SLC6A7: variants seen among roughly 807,000 people sequenced by gnomAD.
The protein encoded by SLC6A7 is solute carrier family 6 member 7.
In SLC6A7, 58 loss-of-function variants were observed where a neutral mutation model predicts 73.1. That is an observed-to-expected ratio of 0.79 (90% confidence interval 0.64 to 0.99). The LOEUF (loss-of-function observed/expected upper bound fraction) is 0.99. SLC6A7 is among the 50% of genes least tolerant of loss of function. The pLI, the probability that SLC6A7 is intolerant of heterozygous loss-of-function variation, is 0.00. For missense variants in SLC6A7, 783 were observed against 831.4 expected (o/e 0.94, Z 0.72); for synonymous variants, 338 against 338.7 (o/e 1.00, Z 0.02).
At position 150,196,788 on chromosome 5, in the gene SLC6A7, T is replaced by C; in HGVS notation, c.290T>C (p.Leu97Pro). 1 of 1,614,056 alleles carries C rather than the reference T, an allele frequency of 6.2e-7. No homozygotes were observed. Among genetic ancestry groups the C allele is most frequent in the Non-Finnish European group, 8.5e-7 (1 of 1,179,924 alleles). ...CCCCTCTTCTTCCTGGAGCTCTCCC[T>C]GGGCCAGTTCTCCAGCCTAGGGCCC... ...GIPLFFLELS[L>P]GQFSSLGPLA... is the part of the protein sequence containing the mutation. Residue 97 changes from leucine (L) to proline (P), a missense_variant, in exon 3 of 14, where the codon CTG (leucine) becomes CCG (proline). By Grantham distance (98) the Leu-to-Pro change is moderately conservative. Coordinates refer to ENST00000230671, the MANE Select transcript of SLC6A7 (RefSeq NM_014228.5).
At position 150,209,881 on chromosome 5, in the gene SLC6A7, T is replaced by C. The variant is rs1753887968; in HGVS notation, c.*266T>C. The C allele has an allele frequency of 2.0e-6, 1 of 502,472 alleles. No homozygotes were observed. Among genetic ancestry groups the C allele is most frequent in the Non-Finnish European group, 3.6e-6 (1 of 275,592 alleles). 31.1% of individuals were successfully genotyped at this position (502,472 alleles called of 1,614,324 possible). ...CAGCCCTACTTTGCGGATGGACATA[T>C]TAAGGCCAGGAGGGGAGGGACTTGC... On this transcript the variant is annotated 3_prime_UTR_variant, in exon 14 of 14. Transcript: ENST00000230671.
At chr5:150,205,756 C>A in intron 13 of SLC6A7, 133 bp downstream of exon 13, 4 of 773,408 alleles carry the variant, frequency 5.2e-6, no homozygotes, top group Non-Finnish European at 8.1e-6. Flanking sequence ...CTTGCCTGGG[C>A]TGAGGCAGAT....
intron 13 of SLC6A7, among the ~76,000 whole-genome samples, chr5:150,206,323 C>T (rs1422562212): frequency 9.9e-5 from 15 of 152,190 alleles, no homozygotes; most frequent in African/African-American, 3.6e-4. Context: ...CTGGAGGCAC[C>T]CACAACATAC....
rs1427004429 is a variant in SLC6A7, at chr5:150,204,763, G to C, written c.1433-64G>C. 3.6e-6 allele frequency: 5 copies of C among 1,380,856 alleles called. No individual in the cohort carries two copies. The African/African-American group carries it at 7.1e-5, about 20-fold the overall frequency. 85.5% of individuals were successfully genotyped at this position (1,380,856 alleles called of 1,614,324 possible). On this transcript the variant is annotated intron_variant, in intron 11 of 13. Transcript: ENST00000230671. ...TCCAGTGGGGGCAGCTGGGGTAGAG[G>C]AGGGGCTGCTGGCGTTTGTGGGGCC... is the stretch of plus-strand genomic sequence containing the variant.
intron 8 of SLC6A7, 145 bp downstream of exon 8, chr5:150,202,848 G>T: frequency 1.1e-6 from 1 of 872,120 alleles, no homozygotes; most frequent in Non-Finnish European, 1.7e-6. Flanking sequence ...GCCAAGGTGG[G>T]CGGATCGCTT....
At chr5:150,202,737 A>C (rs1193341264) in intron 8 of SLC6A7, 34 bp downstream of exon 8, 5 of 1,611,166 alleles carry the variant, frequency 3.1e-6, no homozygotes, top group Non-Finnish European at 4.2e-6. Context: ...TGGGGTGAGC[A>C]TGTGTGTTGG....
chr5:150,198,103 G>GAAGGAAAGAA (rs1562085336), intron 4 of SLC6A7, among the ~76,000 whole-genome samples: 16 of 106,190 alleles, frequency 1.5e-4, no homozygotes, highest in Non-Finnish European at 3.5e-4. Context: ...AAGAAAGAAA[G>GAAGGAAAGAA]AAAGAAAGAA....
rs1562083236 is a variant in SLC6A7, at chr5:150,197,199, C to G, written c.507C>G (p.His169Gln). 6.2e-7 allele frequency: 1 copy of G among 1,613,982 alleles called. No individual in the cohort carries two copies. Among genetic ancestry groups the G allele is most frequent in the Admixed American group, 1.7e-5 (1 of 60,034 alleles). Residue 169 changes from histidine (H) to glutamine (Q), a missense_variant, in exon 4 of 14, where the codon CAC (histidine) becomes CAG (glutamine). Coordinates refer to ENST00000230671, the MANE Select transcript of SLC6A7 (RefSeq NM_014228.5). ...GGAACACAGAACTCTGCCTGGAGCACAGAGTCTCCAAGGACGGCAACGGGG... is the reference window on the plus strand; with the variant it reads ...GGAACACAGAACTCTGCCTGGAGCAGAGAGTCTCCAAGGACGGCAACGGGG... ...NWWNTELCLE[H>Q]RVSKDGNGAL...
chr5:150,204,944 G>A lies in SLC6A7; in HGVS notation c.1533+17G>A, dbSNP rs768154547. 1.5e-6 allele frequency: 2 copies of A among 1,358,528 alleles called. No homozygotes were observed. Among genetic ancestry groups the A allele is most frequent in the Non-Finnish European group, 2.1e-6 (2 of 947,366 alleles). 84.2% of individuals were successfully genotyped at this position (1,358,528 alleles called of 1,614,324 possible). A position where few individuals can be genotyped will look rare whatever the true frequency, so the allele number is the denominator to read the frequency against. ...ACGCTCTTGGTAACTGGGGAGGGCGGGAGGGTTTCTGGCTGGGGCCCCAGA... is the reference window on the plus strand; with the variant it reads ...ACGCTCTTGGTAACTGGGGAGGGCGAGAGGGTTTCTGGCTGGGGCCCCAGA... On this transcript the variant is annotated intron_variant, in intron 12 of 13. Coordinates refer to ENST00000230671, the MANE Select transcript of SLC6A7 (RefSeq NM_014228.5).
intron 1 of SLC6A7, among the ~76,000 whole-genome samples, chr5:150,192,472 T>A (rs925615873): frequency 2.0e-4 from 31 of 152,142 alleles, no homozygotes; most frequent in Admixed American, 6.5e-5. Context: ...GGAAGAAGTA[T>A]GAAGCAACTC....
chr5:150,198,049 GAGAA>G (rs1554115584), intron 4 of SLC6A7, among the ~76,000 whole-genome samples: 8,996 of 103,518 alleles, frequency 0.087, 453 homozygotes, highest in East Asian at 0.12. Context: ...AAAGAAGAAA[GAGAA>G]AGAAAGAAAG....
rs967523292 is a variant in SLC6A7 at position 150,204,143 on chromosome 5, C to A, written c.1332+105C>A. 27 of 1,198,392 alleles carry A rather than the reference C, an allele frequency of 2.3e-5. No homozygotes were observed. In the African/African-American group the frequency reaches 3.3e-4, roughly 15 times the overall value. The allele number at this position is 1,198,392 out of a possible 1,614,324, so 74.2% of individuals were successfully genotyped here. ...CAGTTGCTGGGCCCCCTCCATCTTCCTCTTTGCAAGGAACCCAGTCCCTCC... is the reference window on the plus strand; with the variant it reads ...CAGTTGCTGGGCCCCCTCCATCTTCATCTTTGCAAGGAACCCAGTCCCTCC... On this transcript the variant is annotated intron_variant, in intron 10 of 13. Coordinates refer to ENST00000230671, the MANE Select transcript of SLC6A7 (RefSeq NM_014228.5).
In SLC6A7 at chr5:150,205,620, G is replaced by A; in HGVS notation, c.1698G>A (p.Trp566Ter). Residue 566 changes from tryptophan to a stop codon, truncating the protein, a stop_gained, in exon 13 of 14, where the codon TGG becomes TGA. Transcript: ENST00000230671. LOFTEE classifies it high-confidence loss of function. ...TGCTTCGAGAAGAGGGCTCACTCTG[G>A]GAGGTGAGTCTGCCCACCCTGTCCA... ...VAVLREEGSL[W>*]ERLQQASRPA... is the part of the protein sequence containing the mutation. 10 of 1,606,676 alleles carry A rather than the reference G, an allele frequency of 6.2e-6. No individual in the cohort carries two copies. Among genetic ancestry groups the A allele is most frequent in the Non-Finnish European group, 8.5e-6 (10 of 1,176,590 alleles).
In SLC6A7 at chr5:150,197,238, C is replaced by T. The variant is rs1260987367; in HGVS notation, c.546C>T (p.Asn182=). 2.5e-6 allele frequency: 4 copies of T among 1,613,130 alleles called. No homozygotes were observed. The highest frequency in any genetic ancestry group is 3.4e-6 in the Non-Finnish European group (4 of 1,179,682). The stretch of plus-strand genomic sequence containing the variant: ...ACGGCAACGGGGCCCTGCCCCTCAA[C>T]CTCACCTGCACCGTCAGCCCCAGCG... ...SKDGNGALPL[N]LTCTVSPSEE... The change falls in exon 4 of 14, where the codon AAC becomes AAT. Residue 182 remains asparagine, a synonymous_variant. Transcript: ENST00000230671.
In SLC6A7 at chr5:150,197,262, CGAG is replaced by C; in HGVS notation, c.574_576del (p.Glu192del). 1 of 1,607,880 alleles carries C rather than the reference CGAG, an allele frequency of 6.2e-7. No individual in the cohort carries two copies. Among genetic ancestry groups the C allele is most frequent in the Non-Finnish European group, 8.5e-7 (1 of 1,176,504 alleles). On this transcript the variant is annotated inframe_deletion, in exon 4 of 14. Transcript: ENST00000230671. ...ACCTCACCTGCACCGTCAGCCCCAG[CGAG>C]GAGTACTGGAGGTCAGGCAGCTGCT... is the stretch of plus-strand genomic sequence containing the variant.
At chr5:150,207,111 C>T (rs1336772633) in intron 13 of SLC6A7, among the ~76,000 whole-genome samples, 1 of 152,222 alleles carries the variant, frequency 6.6e-6, no homozygotes, top group South Asian at 2.1e-4. Context: ...TACTGCACTT[C>T]CCTGAACCTC....
chr5:150,205,826 G>A (rs577927416), intron 13 of SLC6A7, among the ~76,000 whole-genome samples: 1 of 152,312 alleles, frequency 6.6e-6, no homozygotes, highest in South Asian at 2.1e-4. Flanking sequence ...AGGGGAGTGG[G>A]TGGCACAATC....
chr5:150,196,906 G>T, intron 3 of SLC6A7, 59 bp downstream of exon 3: 1 of 1,575,816 alleles, frequency 6.3e-7, no homozygotes. Flanking sequence ...AGGCAGGGAG[G>T]TTGCCCCCAG....
At chr5:150,209,341 C>A in intron 13 of SLC6A7, 65 bp from the exon 14 acceptor site, 1 of 1,360,136 alleles carries the variant, frequency 7.4e-7, no homozygotes, top group Non-Finnish European at 1.0e-6. Context: ...GGTGTCTGGC[C>A]ACAGTGAACC....
Sources: allele counts gnomAD v4.1 joint callset (sites outside exome capture counted in the v4.1 genomes callset), GRCh38; gene constraint gnomAD v4.1.1; transcripts MANE v1.5; gene names NCBI Gene and HGNC (gene_info 2026-07-23, HGNC 2026-07-21).